Variants in MYO3B observed in about 807,000 individuals in gnomAD.
MYO3B encodes the protein myosin IIIB, also known as myosin-IIIb.
MYO3B carries 156 observed loss-of-function variants against 174.6 expected under a neutral mutation model. The observed-to-expected ratio is 0.89, with a 90% CI of 0.78 to 1.02. MYO3B has a LOEUF of 1.02. Ranked by LOEUF, MYO3B falls within the 50% of genes least tolerant of loss-of-function variation. MYO3B has a pLI of 0.00. For synonymous variants in MYO3B, 563 were observed against 569.1 expected, an observed-to-expected ratio of 0.99 and a Z score of 0.15; for missense variants, 1,632 against 1,639.4, an observed-to-expected ratio of 1.00 and a Z score of 0.08.
intron 9 of MYO3B, among the ~76,000 whole-genome samples, chr2:170,369,834 C>T (rs62170807): frequency 0.2 from 30,379 of 152,026 alleles, 3,312 homozygotes; most frequent in East Asian, 0.3. Flanking sequence ...AGCTAAACAC[C>T]GAAGGCTGTT....
intron 32 of MYO3B, among the ~76,000 whole-genome samples, chr2:170,552,795 T>A (rs1472158020): frequency 6.6e-6 from 1 of 152,118 alleles, no homozygotes; most frequent in Non-Finnish European, 1.5e-5. Context: ...GCCCCTCCCA[T>A]CAAAGGCCTG....
At chr2:170,237,309 T>C (rs1290698525) in intron 7 of MYO3B, among the ~76,000 whole-genome samples, 4 of 152,202 alleles carry the variant, frequency 2.6e-5, no homozygotes, top group Non-Finnish European at 4.4e-5. Context: ...TGCTTTGATT[T>C]TTTTTTACAA....
chr2:170,410,408 C>T (rs964226326), intron 22 of MYO3B, among the ~76,000 whole-genome samples: 1 of 151,798 alleles, frequency 6.6e-6, no homozygotes, highest in African/African-American at 2.4e-5. Flanking sequence ...AGTGAAACCC[C>T]GTCTCTACTA....
At chr2:170,291,895 T>C (rs1008328174) in intron 7 of MYO3B, among the ~76,000 whole-genome samples, 8 of 152,312 alleles carry the variant, frequency 5.3e-5, no homozygotes, top group Admixed American at 1.3e-4. Flanking sequence ...TTGATTATTA[T>C]ATGCTTTGGA....
chr2:170,341,310 T>A (rs2093975400), intron 8 of MYO3B: 1 of 152,218 alleles, frequency 6.6e-6, no homozygotes, highest in African/African-American at 2.4e-5. Flanking sequence ...CTTTATAGTG[T>A]CAATGAACAA....
chr2:170,542,733 T>C (rs1252914091), intron 30 of MYO3B, among the ~76,000 whole-genome samples, 173 bp from the exon 31 acceptor site: 2 of 152,172 alleles, frequency 1.3e-5, no homozygotes, highest in African/African-American at 4.8e-5. Flanking sequence ...CAACACCTAG[T>C]AGGACTCATT....
intron 32 of MYO3B, among the ~76,000 whole-genome samples, chr2:170,629,305 G>C (rs949401880): frequency 6.6e-6 from 1 of 152,162 alleles, no homozygotes; most frequent in African/African-American, 2.4e-5. Flanking sequence ...TGGATTAGCA[G>C]CCAGTATCAC....
intron 1 of MYO3B, among the ~76,000 whole-genome samples, chr2:170,183,087 C>T (rs1351952630): frequency 2.0e-5 from 3 of 151,978 alleles, no homozygotes; most frequent in Non-Finnish European, 4.4e-5. Context: ...GAAACCCCGT[C>T]TCTACTAAAA....
At chr2:170,518,409 G>T (rs1001260895) in intron 29 of MYO3B, among the ~76,000 whole-genome samples, 2 of 152,192 alleles carry the variant, frequency 1.3e-5, no homozygotes, top group African/African-American at 4.8e-5. Flanking sequence ...AAATAGGTGT[G>T]CAGTCTCCTT....
chr2:170,603,072 A>G (rs114579607), intron 32 of MYO3B, among the ~76,000 whole-genome samples: 3,276 of 151,492 alleles, frequency 0.022, 92 homozygotes, highest in African/African-American at 0.075. Context: ...CTGTCTCACA[A>G]AAAAGAAAAA....
chr2:170,392,150 G>A (rs932493980), intron 15 of MYO3B, among the ~76,000 whole-genome samples: 8 of 151,676 alleles, frequency 5.3e-5, no homozygotes, highest in African/African-American at 1.7e-4. Flanking sequence ...AAAATTAGCT[G>A]GGTGTGGTGG....
At chr2:170,250,802 G>A (rs1337556139) in intron 7 of MYO3B, among the ~76,000 whole-genome samples, 1 of 152,072 alleles carries the variant, frequency 6.6e-6, no homozygotes, top group African/African-American at 2.4e-5. Context: ...GGGATGGAGT[G>A]GGAAGATGAT....
intron 32 of MYO3B, among the ~76,000 whole-genome samples, chr2:170,636,947 T>G (rs555950757): frequency 8.4e-6 from 1 of 119,304 alleles, no homozygotes; most frequent in South Asian, 2.9e-4. Context: ...ACAAAGCATT[T>G]GCTTTTGTGC....
chr2:170,586,326 A>G (rs1054173005), intron 32 of MYO3B, among the ~76,000 whole-genome samples: 2 of 152,146 alleles, frequency 1.3e-5, no homozygotes, highest in African/African-American at 2.4e-5. Flanking sequence ...TCTGCACTAG[A>G]CTCAACAGAA....
intron 7 of MYO3B, among the ~76,000 whole-genome samples, chr2:170,332,506 A>G (rs1295907894): frequency 2.0e-5 from 3 of 152,180 alleles, no homozygotes. Context: ...TAGAATTTAT[A>G]TTGCCAGTCC....
Position 170,469,452 on chromosome 2 carries a change from G to A in MYO3B, c.3014+2741G>A, listed in dbSNP as rs2355352. Among the ~76,000 whole-genome samples the A allele has an allele frequency of 6.5e-4, 99 of 152,278 alleles. 2 individuals are homozygous for A. In the East Asian group the frequency reaches 0.017, roughly 26 times the overall value. On this transcript the variant is annotated intron_variant, in intron 25 of 34. Transcript: ENST00000408978. Reference sequence around the variant, plus strand: ...ACCTGCATCTACCAGGCTGTGATGCGTAACAGTTGTTAACCATTGAACAAA... The same window carrying A: ...ACCTGCATCTACCAGGCTGTGATGCATAACAGTTGTTAACCATTGAACAAA...
At chr2:170,357,566 G>A (rs975148639) in intron 8 of MYO3B, among the ~76,000 whole-genome samples, 1 of 151,210 alleles carries the variant, frequency 6.6e-6, no homozygotes, top group Admixed American at 6.6e-5. Context: ...TTTTCTGTTT[G>A]GTTTATAATT....
chr2:170,424,693 A>G (rs1009679336), intron 22 of MYO3B, among the ~76,000 whole-genome samples: 6 of 152,214 alleles, frequency 3.9e-5, no homozygotes, highest in African/African-American at 1.2e-4. Context: ...ATTAGTGTCT[A>G]TTGTGAATCA....
intron 7 of MYO3B, among the ~76,000 whole-genome samples, chr2:170,299,458 AT>A (rs1329634691): frequency 2.6e-5 from 4 of 151,964 alleles, no homozygotes; most frequent in African/African-American, 9.7e-5. Context: ...TAAAAATGAA[AT>A]TTCTTTTTTT....
Sources: allele counts gnomAD v4.1 joint callset (sites outside exome capture counted in the v4.1 genomes callset), GRCh38; gene constraint gnomAD v4.1.1; transcripts MANE v1.5; gene names NCBI Gene and HGNC (gene_info 2026-07-23, HGNC 2026-07-21).